FRY: variants seen among roughly 807,000 people sequenced by gnomAD.
FRY encodes protein furry homolog.
Under a neutral mutation model 348.4 loss-of-function variants are expected in FRY, and 128 were observed. That is an observed-to-expected ratio of 0.37 (90% CI 0.32 to 0.43). The LOEUF is 0.43. Ranked by LOEUF, FRY falls within the 20% of genes least tolerant of loss-of-function variation. FRY has a pLI of 1.00. For missense variants in FRY, 2,736 were observed against 3,695.2 expected (o/e 0.74, Z 6.73); for synonymous variants, 1,370 against 1,374.7 (o/e 1.00, Z 0.08).
intron 35 of FRY, among the ~76,000 whole-genome samples, chr13:32,214,428 TATGAG>T (rs1018252359): frequency 1.3e-5 from 2 of 152,226 alleles, no homozygotes; most frequent in African/African-American, 2.4e-5. Flanking sequence ...CTTAAAAGAT[TATGAG>T]ATTTTGAGTG....
At chr13:32,204,209 C>T (rs1435023077) in intron 31 of FRY, among the ~76,000 whole-genome samples, 1 of 152,222 alleles carries the variant, frequency 6.6e-6, no homozygotes, top group Admixed American at 6.5e-5. Flanking sequence ...ATAGTAATGA[C>T]TACCCCATAG....
intron 8 of FRY, among the ~76,000 whole-genome samples, chr13:32,134,036 C>T (rs1485080976): frequency 1.3e-5 from 2 of 152,122 alleles, no homozygotes; most frequent in Non-Finnish European, 2.9e-5. Flanking sequence ...GCCTTGGCCT[C>T]CCAAAGTGTC....
Position 32,183,999 on chromosome 13 carries a change from G to C in FRY, c.3055-601G>C, listed in dbSNP as rs1014506812. Among the ~76,000 whole-genome samples, 11 of 151,722 alleles carry C rather than the reference G, an allele frequency of 7.3e-5. No homozygotes were observed. In the Middle Eastern group the frequency reaches 0.01, roughly 141 times the overall value. On this transcript the variant is annotated intron_variant, in intron 24 of 60. Coordinates refer to ENST00000542859, the MANE Select transcript of FRY (RefSeq NM_023037.3). Reference sequence around the variant, plus strand: ...AAATGTTTTAAATTAGCCGGGTGTGGTGGTGCATGCCTGTAGTCCCAGCTA... The same window carrying C: ...AAATGTTTTAAATTAGCCGGGTGTGCTGGTGCATGCCTGTAGTCCCAGCTA...
At position 32,261,660 on chromosome 13, in the gene FRY, T is replaced by G; in HGVS notation, c.7461T>G (p.Ser2487=). Residue 2487 remains serine (S), a synonymous_variant, in exon 52 of 61, where the codon TCT becomes TCG. Coordinates refer to ENST00000542859, the MANE Select transcript of FRY (RefSeq NM_023037.3). ...TCAACTGGGGAGTGCGCAGACGTTC[T>G]CTGGACAGCCTGGATAAGTGTGATA... The part of the protein sequence containing the change: ...DNFNWGVRRR[S]LDSLDKCDMQ... 6.2e-7 allele frequency: 1 copy of G among 1,614,166 alleles called. No individual in the cohort carries two copies. The highest frequency in any genetic ancestry group is 8.5e-7 in the Non-Finnish European group (1 of 1,180,028).
chr13:32,051,677 G>A (rs560666871), intron 1 of FRY, among the ~76,000 whole-genome samples: 12 of 152,258 alleles, frequency 7.9e-5, no homozygotes, highest in African/African-American at 2.6e-4. Flanking sequence ...ACATGGATGT[G>A]GTTTTAAAAA....
At position 32,237,571 on chromosome 13, in the gene FRY, C is replaced by T; in HGVS notation, c.6003C>T (p.Ala2001=). ...GATCCTCTGACCCACCTCGAAGTGC[C>T]ACACTGGACAGAATTCAGGCTTGTA... The part of the protein sequence containing the change: ...IDRSSDPPRS[A]TLDRIQACTQ... The change falls in exon 44 of 61, where the codon GCC becomes GCT. Residue 2001 remains alanine, a synonymous_variant. Transcript: ENST00000542859. This position sits in a 1 kb window ranked among gnomAD's most constrained non-coding sequence, Gnocchi z 6.3. 6.2e-7 allele frequency: 1 copy of T among 1,614,084 alleles called. No homozygotes were observed. The highest frequency in any genetic ancestry group is 1.1e-5 in the South Asian group (1 of 91,084).
At chr13:32,291,432 C>T (rs1224270959) in intron 59 of FRY, among the ~76,000 whole-genome samples, 2 of 142,580 alleles carry the variant, frequency 1.4e-5, no homozygotes, top group African/African-American at 5.2e-5. Flanking sequence ...CGAGATAGAA[C>T]TTTGCTCTTG....
chr13:32,238,283 T>G (rs1593785036), intron 44 of FRY, among the ~76,000 whole-genome samples: 1 of 121,704 alleles, frequency 8.2e-6, no homozygotes, highest in East Asian at 2.2e-4. Flanking sequence ...TCCATTGCTC[T>G]CGTACAGAAA....
intron 1 of FRY, among the ~76,000 whole-genome samples, chr13:32,064,108 T>C (rs961601346): frequency 3.9e-5 from 6 of 152,132 alleles, no homozygotes; most frequent in Non-Finnish European, 5.9e-5. Context: ...TAATATGTCA[T>C]AGTATGTCAA....
At chr13:32,195,361 C>T (rs1883611112) in intron 29 of FRY, among the ~76,000 whole-genome samples, 1 of 152,038 alleles carries the variant, frequency 6.6e-6, no homozygotes, top group Admixed American at 6.6e-5. Flanking sequence ...TAGGACATTA[C>T]CAAAGGAACA....
chr13:32,169,051 T>C (rs1054374862), intron 17 of FRY, among the ~76,000 whole-genome samples: 16 of 152,360 alleles, frequency 1.1e-4, no homozygotes, highest in African/African-American at 3.8e-4. Context: ...GGTGATAATA[T>C]CTGTCCTGGG....
At chr13:32,078,618 T>G (rs898874191) in intron 1 of FRY, among the ~76,000 whole-genome samples, 2 of 152,248 alleles carry the variant, frequency 1.3e-5, no homozygotes, top group African/African-American at 2.4e-5. Flanking sequence ...ATGTAGTGAC[T>G]AGAATCTTGA....
chr13:32,163,284 C>T (rs573828366), intron 17 of FRY, among the ~76,000 whole-genome samples: 1 of 152,290 alleles, frequency 6.6e-6, no homozygotes, highest in African/African-American at 2.4e-5. Flanking sequence ...ATCTAACAGA[C>T]ATGGAGGAAG....
At chr13:32,168,158 ATTC>A (rs1301176561) in intron 17 of FRY, among the ~76,000 whole-genome samples, 1 of 152,184 alleles carries the variant, frequency 6.6e-6, no homozygotes, top group African/African-American at 2.4e-5. Flanking sequence ...CAGTGCTGCC[ATTC>A]TTGTCTGAAG....
At chr13:32,065,705 A>G (rs1411202375) in intron 1 of FRY, among the ~76,000 whole-genome samples, 1 of 152,002 alleles carries the variant, frequency 6.6e-6, no homozygotes, top group Non-Finnish European at 1.5e-5. Context: ...GGCTCAAGCG[A>G]TCCTCCCGTC....
chr13:32,255,353 G>T (rs1375606545), intron 51 of FRY, among the ~76,000 whole-genome samples: 2 of 152,160 alleles, frequency 1.3e-5, no homozygotes, highest in South Asian at 2.1e-4. Flanking sequence ...TTAACTACAG[G>T]CTTGTGGGAA....
intron 8 of FRY, among the ~76,000 whole-genome samples, chr13:32,133,153 G>A (rs892145287): frequency 6.6e-6 from 1 of 152,138 alleles, no homozygotes; most frequent in South Asian, 2.1e-4. Flanking sequence ...TATACTAAAA[G>A]TCAATGAATT....
At chr13:32,159,212 C>T (rs1231153272) in intron 16 of FRY, among the ~76,000 whole-genome samples, 1 of 151,582 alleles carries the variant, frequency 6.6e-6, no homozygotes, top group Non-Finnish European at 1.5e-5. Context: ...AAGGCAGATT[C>T]CTAAATAACT....
chr13:32,130,261 G>T (rs1044695737), intron 7 of FRY, among the ~76,000 whole-genome samples: 3 of 151,778 alleles, frequency 2.0e-5, no homozygotes, highest in African/African-American at 7.3e-5. Context: ...GGCTGGTCTC[G>T]AACTCCTGAC....
Sources: allele counts gnomAD v4.1 joint callset (sites outside exome capture counted in the v4.1 genomes callset), GRCh38; gene constraint gnomAD v4.1.1; non-coding constraint Gnocchi (gnomAD v3.1); transcripts MANE v1.5; gene names NCBI Gene and HGNC (gene_info 2026-07-23, HGNC 2026-07-21).